Variants in CNTNAP2 observed in about 807,000 individuals in gnomAD.
The protein encoded by CNTNAP2 is contactin-associated protein-like 2.
In CNTNAP2, 98 loss-of-function variants were observed where a neutral mutation model predicts 155.2. The observed-to-expected ratio is 0.63, with a 90% CI of 0.54 to 0.75. CNTNAP2 has a LOEUF of 0.75. Among genes scored for constraint, CNTNAP2 ranks in the 30% least tolerant of loss-of-function variants. The probability of loss-of-function intolerance (pLI) is 0.00; values close to 1 mark genes in which losing one functional copy is unlikely to be tolerated. For missense variants in CNTNAP2, 1,727 were observed against 1,688.1 expected (o/e 1.02, Z -0.40); for synonymous variants, 651 against 631.2 (o/e 1.03, Z -0.47).
chr7:146,625,973 T>C (rs1051533304), intron 1 of CNTNAP2, among the ~76,000 whole-genome samples: 1 of 152,112 alleles, frequency 6.6e-6, no homozygotes, highest in African/African-American at 2.4e-5. Flanking sequence ...TCAGAGGTTA[T>C]TTATCTTCAT....
intron 11 of CNTNAP2, among the ~76,000 whole-genome samples, chr7:147,505,380 T>C (rs1798888772): frequency 6.7e-6 from 1 of 148,898 alleles, no homozygotes; most frequent in African/African-American, 2.6e-5. Flanking sequence ...CGCACACACA[T>C]ATACAATGTG....
chr7:148,321,205 A>AT (rs898543955), intron 21 of CNTNAP2, among the ~76,000 whole-genome samples: 4 of 151,828 alleles, frequency 2.6e-5, no homozygotes, highest in South Asian at 2.1e-4. Flanking sequence ...GAGATGTTGA[A>AT]TTTTTTTTTC....
intron 9 of CNTNAP2, among the ~76,000 whole-genome samples, chr7:147,349,049 C>T (rs1010321838): frequency 1.3e-5 from 2 of 151,750 alleles, no homozygotes; most frequent in Non-Finnish European, 3.0e-5. Context: ...CTAGGTAGGA[C>T]GAGTAAATTC....
At chr7:146,881,286 T>C (rs929713900) in intron 3 of CNTNAP2, among the ~76,000 whole-genome samples, 1 of 152,192 alleles carries the variant, frequency 6.6e-6, no homozygotes, top group Admixed American at 6.6e-5. Context: ...AAATTTTTCA[T>C]GTTTTATTTG....
At position 147,079,050 on chromosome 7, in the gene CNTNAP2, G is replaced by A. The variant is rs184827537; in HGVS notation, c.551-29097G>A. 1.0e-3 allele frequency among the ~76,000 whole-genome samples: 152 copies of A among 152,104 alleles called. 2 individuals carry two copies. The highest frequency in any genetic ancestry group is 3.1e-3 in the African/African-American group (129 of 41,506). On this transcript the variant is annotated intron_variant, in intron 4 of 23. Transcript: ENST00000361727. ...ACAGGTGTGAGCCACTGGCCTGGCC[G>A]TCTTATTTAATTTGATGTCAAACCT...
intron 13 of CNTNAP2, among the ~76,000 whole-genome samples, chr7:147,827,471 A>T (rs1798472445): frequency 6.6e-6 from 1 of 152,252 alleles, no homozygotes; most frequent in Non-Finnish European, 1.5e-5. Context: ...ATTGTTGAGT[A>T]AACGAATATT....
intron 4 of CNTNAP2, among the ~76,000 whole-genome samples, chr7:147,090,704 T>A (rs1265332063): frequency 6.6e-6 from 1 of 152,192 alleles, no homozygotes; most frequent in Non-Finnish European, 1.5e-5. Context: ...ACAATTGATA[T>A]AATTATTCTT....
chr7:146,979,941 A>G (rs1421680387), intron 3 of CNTNAP2, among the ~76,000 whole-genome samples: 2 of 152,226 alleles, frequency 1.3e-5, no homozygotes, highest in African/African-American at 4.8e-5. Flanking sequence ...GGTGCAAAAT[A>G]AGTGTGGCTT....
intron 3 of CNTNAP2, among the ~76,000 whole-genome samples, chr7:146,959,075 A>G (rs1797499535): frequency 6.6e-6 from 1 of 151,878 alleles, no homozygotes; most frequent in African/African-American, 2.4e-5. Flanking sequence ...GCTGGAGTGC[A>G]GTGGCGCCAT....
intron 6 of CNTNAP2, among the ~76,000 whole-genome samples, chr7:147,123,995 T>G (rs1448350475): frequency 3.3e-5 from 5 of 152,176 alleles, no homozygotes; most frequent in African/African-American, 1.2e-4. Flanking sequence ...TGAGCCAAAA[T>G]CATGCCATTG....
intron 1 of CNTNAP2, among the ~76,000 whole-genome samples, chr7:146,216,110 T>C (rs1799108713): frequency 6.6e-6 from 1 of 152,166 alleles, no homozygotes; most frequent in South Asian, 2.1e-4. Context: ...TAGATGTTTT[T>C]GATGAGGACT....
At chr7:147,851,188 C>T (rs1296862709) in intron 13 of CNTNAP2, among the ~76,000 whole-genome samples, 2 of 152,016 alleles carry the variant, frequency 1.3e-5, no homozygotes, top group African/African-American at 2.4e-5. Flanking sequence ...TCATCACTGG[C>T]CATCAGAGAA....
intron 13 of CNTNAP2, among the ~76,000 whole-genome samples, chr7:147,883,817 G>A (rs1799562807): frequency 6.6e-6 from 1 of 152,080 alleles, no homozygotes; most frequent in East Asian, 1.9e-4. Flanking sequence ...TTGAATTCGT[G>A]CATCTGAAAA....
chr7:146,563,338 G>T (rs1798309525), intron 1 of CNTNAP2, among the ~76,000 whole-genome samples: 2 of 151,934 alleles, frequency 1.3e-5, no homozygotes, highest in African/African-American at 4.8e-5. Flanking sequence ...CATATTCAAA[G>T]AAGACTTCCA....
rs571793111 is a variant in CNTNAP2, at chr7:146,347,197, A to G, written c.97+230224A>G. Among the ~76,000 whole-genome samples the G allele has an allele frequency of 1.2e-3, 178 of 151,144 alleles. 1 individual carries two copies. The highest frequency in any genetic ancestry group is 4.2e-3 in the African/African-American group (173 of 41,126). ...GCCATTTGGCATGCTTAGTTCAATT[A>G]TTTTGAATGCTATAAAAATAGAGAT... is the stretch of plus-strand genomic sequence containing the variant. On this transcript the variant is annotated intron_variant, in intron 1 of 23. Coordinates refer to ENST00000361727, the MANE Select transcript of CNTNAP2 (RefSeq NM_014141.6).
intron 8 of CNTNAP2, among the ~76,000 whole-genome samples, chr7:147,293,968 T>A (rs1219052323): frequency 6.6e-6 from 1 of 152,198 alleles, no homozygotes; most frequent in East Asian, 1.9e-4. Context: ...AGGTTAAATT[T>A]TCTTTATATG....
chr7:146,235,983 C>CAT (rs1799467866), intron 1 of CNTNAP2, among the ~76,000 whole-genome samples: 2 of 147,082 alleles, frequency 1.4e-5, no homozygotes, highest in Admixed American at 1.4e-4. Flanking sequence ...TGTGTGTGCG[C>CAT]GCGTATTTGT....
At chr7:147,446,763 A>G (rs1280642629) in intron 10 of CNTNAP2, among the ~76,000 whole-genome samples, 1 of 152,224 alleles carries the variant, frequency 6.6e-6, no homozygotes, top group East Asian at 1.9e-4. Context: ...AGCTATGGGC[A>G]AAGTTTAAAA....
intron 1 of CNTNAP2, among the ~76,000 whole-genome samples, chr7:146,577,031 A>G (rs1563141995): frequency 6.6e-6 from 1 of 152,166 alleles, no homozygotes; most frequent in Admixed American, 6.5e-5. Context: ...ATCACCTGCC[A>G]TCATTCATTT....
Sources: gnomAD v4.1 joint callset for allele counts (sites outside exome capture counted in the v4.1 genomes callset) on GRCh38, gnomAD v4.1.1 for gene constraint, MANE v1.5 for transcripts, NCBI Gene and HGNC (gene_info 2026-07-23, HGNC 2026-07-21) for gene names.